Variants in ZMAT4 observed in about 807,000 individuals in gnomAD.
ZMAT4 encodes zinc finger matrin-type 4.
A neutral mutation model predicts 28.7 loss-of-function variants in ZMAT4; 17 were observed. The ratio of observed to expected loss-of-function variants is 0.59; its 90% CI spans 0.41 to 0.89. The LOEUF (loss-of-function observed/expected upper bound fraction) is 0.89, where lower values mean the gene tolerates loss of function less well. Ranked by LOEUF, ZMAT4 falls within the 40% of genes least tolerant of loss-of-function variation. The pLI is 0.00. For missense variants in ZMAT4, 240 were observed against 283.8 expected (o/e 0.85, Z 1.11); for synonymous variants, 117 against 109.2 (o/e 1.07, Z -0.44).
chr8:40,848,205 C>T (rs1816977433), intron 1 of ZMAT4, among the ~76,000 whole-genome samples: 1 of 152,134 alleles, frequency 6.6e-6, no homozygotes, highest in African/African-American at 2.4e-5. Context: ...AAAGTAATAA[C>T]TGTTGAAGAG....
intron 5 of ZMAT4, among the ~76,000 whole-genome samples, chr8:40,662,805 G>A (rs931274971): frequency 2.0e-5 from 3 of 152,130 alleles, no homozygotes; most frequent in African/African-American, 7.2e-5. Flanking sequence ...TTGTCAAGGT[G>A]TCTTTGAGAA....
chr8:40,701,086 A>G (rs1810124947), intron 3 of ZMAT4, among the ~76,000 whole-genome samples: 1 of 152,194 alleles, frequency 6.6e-6, no homozygotes, highest in African/African-American at 2.4e-5. Flanking sequence ...ACTGACAGAA[A>G]GATGGCCAGG....
intron 3 of ZMAT4, among the ~76,000 whole-genome samples, chr8:40,738,600 T>TC (rs1485996639): frequency 1.3e-5 from 2 of 152,060 alleles, no homozygotes; most frequent in Non-Finnish European, 2.9e-5. Context: ...CTGCCTGTTG[T>TC]CCCCCCAGCA....
intron 2 of ZMAT4, among the ~76,000 whole-genome samples, chr8:40,779,417 G>A (rs1297863943): frequency 6.6e-6 from 1 of 151,866 alleles, no homozygotes; most frequent in Non-Finnish European, 1.5e-5. Context: ...CTCAACTAGA[G>A]GGACCAGAGA....
intron 1 of ZMAT4, among the ~76,000 whole-genome samples, chr8:40,830,601 T>A (rs1187843655): frequency 1.3e-5 from 2 of 152,246 alleles, no homozygotes; most frequent in Non-Finnish European, 2.9e-5. Flanking sequence ...TTAAGTTAGC[T>A]GCATGACTTT....
intron 4 of ZMAT4, among the ~76,000 whole-genome samples, chr8:40,676,551 C>T (rs951369817): frequency 2.0e-5 from 3 of 152,040 alleles, no homozygotes; most frequent in Admixed American, 2.0e-4. Context: ...TTAACCAACA[C>T]CCCAAGCTTT....
At chr8:40,568,215 G>A (rs16889591) in intron 6 of ZMAT4, among the ~76,000 whole-genome samples, 13,797 of 152,148 alleles carry the variant, frequency 0.091, 839 homozygotes, top group Admixed American at 0.19. Context: ...CAAAGAGCTA[G>A]AGGAAGTGGG....
chr8:40,808,692 G>A (rs1462590590), intron 2 of ZMAT4: 3 of 321,106 alleles, frequency 9.3e-6, no homozygotes, highest in South Asian at 2.5e-5. Flanking sequence ...GAGGGAAAGA[G>A]CAGGCAAATC....
intron 2 of ZMAT4, among the ~76,000 whole-genome samples, chr8:40,794,347 A>C (rs930609006): frequency 1.3e-5 from 2 of 152,222 alleles, no homozygotes; most frequent in Non-Finnish European, 2.9e-5. Context: ...GAGTTACCCA[A>C]CACACCATAT....
At chr8:40,842,987 G>A (rs549782736) in intron 1 of ZMAT4, among the ~76,000 whole-genome samples, 1 of 152,242 alleles carries the variant, frequency 6.6e-6, no homozygotes, top group Non-Finnish European at 1.5e-5. Flanking sequence ...ATGTTGGCTA[G>A]GCTGGTCTCG....
At chr8:40,591,457 C>A (rs550511471) in intron 5 of ZMAT4, among the ~76,000 whole-genome samples, 85 of 152,300 alleles carry the variant, frequency 5.6e-4, no homozygotes, top group Middle Eastern at 3.4e-3. Context: ...GTCGGTCACC[C>A]ATGTGACTGA....
At chr8:40,574,218 T>C (rs1445367121) in intron 6 of ZMAT4, among the ~76,000 whole-genome samples, 1 of 152,148 alleles carries the variant, frequency 6.6e-6, no homozygotes, top group Admixed American at 6.5e-5. Context: ...TTAGTGTAGT[T>C]GATGTTGGTG....
intron 2 of ZMAT4, among the ~76,000 whole-genome samples, chr8:40,797,801 A>C (rs1814661059): frequency 6.6e-6 from 1 of 152,186 alleles, no homozygotes; most frequent in East Asian, 1.9e-4. Flanking sequence ...CAGTCTCCTC[A>C]CCTGCAGCAT....
At chr8:40,682,352 G>A (rs1809209019) in intron 4 of ZMAT4, among the ~76,000 whole-genome samples, 1 of 152,146 alleles carries the variant, frequency 6.6e-6, no homozygotes, top group African/African-American at 2.4e-5. Context: ...TGAGTTGGAG[G>A]AAGGCTGGCC....
chr8:40,766,567 T>C (rs1186604762), intron 3 of ZMAT4, among the ~76,000 whole-genome samples: 1 of 152,182 alleles, frequency 6.6e-6, no homozygotes, highest in Non-Finnish European at 1.5e-5. Context: ...CATCTTTTGC[T>C]TCCAATAAGC....
intron 2 of ZMAT4, among the ~76,000 whole-genome samples, chr8:40,777,284 G>A (rs899894613): frequency 7.9e-5 from 12 of 152,184 alleles, no homozygotes; most frequent in African/African-American, 1.4e-4. Context: ...GAAGGTTGCC[G>A]TGCAGCACAC....
intron 3 of ZMAT4, among the ~76,000 whole-genome samples, chr8:40,713,921 C>CAAAAA (rs532317102): frequency 2.0e-5 from 1 of 50,010 alleles, no homozygotes; most frequent in African/African-American, 6.7e-5. Flanking sequence ...AAAACAAAAC[C>CAAAAA]AAAAAAAAAA....
intron 2 of ZMAT4, among the ~76,000 whole-genome samples, chr8:40,810,149 G>A (rs1015140849): frequency 1.3e-5 from 2 of 152,092 alleles, no homozygotes; most frequent in Non-Finnish European, 2.9e-5. Flanking sequence ...ATATATGCAT[G>A]TGTGTGTATG....
intron 1 of ZMAT4, among the ~76,000 whole-genome samples, chr8:40,888,081 C>T (rs1336025819): frequency 6.6e-6 from 1 of 152,158 alleles, no homozygotes; most frequent in Non-Finnish European, 1.5e-5. Context: ...TTTCTCAGCA[C>T]CTACACTCTA....
Sources: allele counts gnomAD v4.1 joint callset (sites outside exome capture counted in the v4.1 genomes callset), GRCh38; gene constraint gnomAD v4.1.1; transcripts MANE v1.5; gene names NCBI Gene and HGNC (gene_info 2026-07-23, HGNC 2026-07-21).